The following ULK4 variants were observed in gnomAD, a reference collection of about 807,000 sequenced individuals.
The protein encoded by ULK4 is inactive serine/threonine-protein kinase ULK4.
ULK4 carries 133 observed loss-of-function variants against 160.6 expected under a neutral mutation model. The observed-to-expected ratio is 0.83, with a 90% CI of 0.72 to 0.96. The LOEUF is 0.96. ULK4 is among the 40% of genes least tolerant of loss of function. The probability of loss-of-function intolerance (pLI) is 0.00; values close to 1 mark genes in which losing one functional copy is unlikely to be tolerated. For synonymous variants in ULK4, 534 were observed against 539.8 expected (o/e 0.99, Z 0.15); for missense variants, 1,580 against 1,499.5 (o/e 1.05, Z -0.89).
At chr3:41,467,394 G>A (rs1423075341) in intron 32 of ULK4, among the ~76,000 whole-genome samples, 1 of 152,108 alleles carries the variant, frequency 6.6e-6, no homozygotes, top group Non-Finnish European at 1.5e-5. Flanking sequence ...TGGGCATGGT[G>A]GCACACACTA....
chr3:41,426,192 T>A (rs2082771737), intron 34 of ULK4, among the ~76,000 whole-genome samples: 1 of 152,122 alleles, frequency 6.6e-6, no homozygotes, highest in Middle Eastern at 3.2e-3. Context: ...AAGGGCATTA[T>A]GTAATGGTAA....
chr3:41,654,045 T>C (rs1207458942), intron 30 of ULK4, among the ~76,000 whole-genome samples: 2 of 152,226 alleles, frequency 1.3e-5, no homozygotes, highest in Admixed American at 1.3e-4. Context: ...CATGTGACCG[T>C]AAACTCACAT....
At chr3:41,596,386 C>T (rs1444622100) in intron 31 of ULK4, among the ~76,000 whole-genome samples, 1 of 152,076 alleles carries the variant, frequency 6.6e-6, no homozygotes, top group East Asian at 1.9e-4. Context: ...AGGAGTTGGA[C>T]TTAATAAAAG....
At chr3:41,752,052 T>G (rs2038648988) in intron 22 of ULK4, among the ~76,000 whole-genome samples, 1 of 151,652 alleles carries the variant, frequency 6.6e-6, no homozygotes. Context: ...ACTGGAGGAG[T>G]CCAAGCAGGG....
rs1429476343 is a variant in ULK4 at position 41,488,770 on chromosome 3, T to C, written c.3227-25517A>G. 3.3e-5 allele frequency among the ~76,000 whole-genome samples: 5 copies of C among 152,320 alleles called. No homozygotes were observed. In the East Asian group the frequency reaches 5.8e-4, roughly 18 times the overall value. ...AAGAAAGTTTCAAGTGTCTTAGCTA[T>C]GAGAAAGCTTGATACTGAGAAAAGT... is the stretch of plus-strand genomic sequence containing the variant. On this transcript the variant is annotated intron_variant, in intron 32 of 36. Transcript: ENST00000301831.
intron 2 of ULK4, among the ~76,000 whole-genome samples, chr3:41,940,801 A>C (rs1247165501): frequency 6.6e-6 from 1 of 152,230 alleles, no homozygotes; most frequent in Non-Finnish European, 1.5e-5. Context: ...ATTGATCTTA[A>C]AAATGTACAT....
chr3:41,605,519 CATA>C lies in ULK4; in HGVS notation c.3120+10147_3120+10149del, dbSNP rs751247364. ...TACCCAGGGATAAAAAGGGTCATCTCATAATGATAAAGAGGTCGATTCATCAAG... is the reference window on the plus strand; with the variant it reads ...TACCCAGGGATAAAAAGGGTCATCTCATGATAAAGAGGTCGATTCATCAAG... On this transcript the variant is annotated intron_variant, in intron 31 of 36. Coordinates refer to ENST00000301831, the MANE Select transcript of ULK4 (RefSeq NM_017886.4). 3.3e-5 allele frequency among the ~76,000 whole-genome samples: 5 copies of C among 152,024 alleles called. No homozygotes were observed. In the South Asian group the frequency reaches 8.3e-4, roughly 25 times the overall value.
rs146442067 is a variant in ULK4 at position 41,796,233 on chromosome 3, G to C, written c.2010+3899C>G. 5.3e-5 allele frequency among the ~76,000 whole-genome samples: 8 copies of C among 152,258 alleles called. No homozygotes were observed. In the East Asian group the frequency reaches 1.5e-3, roughly 29 times the overall value. On this transcript the variant is annotated intron_variant, in intron 20 of 36. Transcript: ENST00000301831. ...ATGAACTGAATGAACAAATCAGTAA[G>C]TATATTGAGAATAATGAGAACCCAG...
chr3:41,534,516 C>CA (rs11381017), intron 32 of ULK4, among the ~76,000 whole-genome samples: 47,318 of 142,044 alleles, frequency 0.33, 8,089 homozygotes, highest in African/African-American at 0.4. Flanking sequence ...AATGTTTAAG[C>CA]AAAAAAAAAA....
intron 32 of ULK4, among the ~76,000 whole-genome samples, chr3:41,475,737 C>T (rs949259093): frequency 4.6e-5 from 7 of 152,158 alleles, no homozygotes; most frequent in Admixed American, 4.6e-4. Flanking sequence ...GTAAAATTTA[C>T]TAGGTACTGT....
At chr3:41,842,139 C>CAAAAAAAAAA (rs60925540) in intron 17 of ULK4, among the ~76,000 whole-genome samples, 2 of 68,774 alleles carry the variant, frequency 2.9e-5, no homozygotes, top group Non-Finnish European at 3.2e-5. Flanking sequence ...TCAATAAATA[C>CAAAAAAAAAA]AAAAAAAAAA....
At chr3:41,754,870 T>C (rs1184600557) in intron 21 of ULK4, among the ~76,000 whole-genome samples, 1 of 152,164 alleles carries the variant, frequency 6.6e-6, no homozygotes. Flanking sequence ...CACAACTACA[T>C]GTAGATATAA....
intron 35 of ULK4, among the ~76,000 whole-genome samples, chr3:41,296,266 ACTC>A (rs1327945478): frequency 1.3e-5 from 2 of 151,994 alleles, no homozygotes; most frequent in African/African-American, 4.8e-5. Flanking sequence ...TGAACATAAA[ACTC>A]CTCTAAAAAA....
chr3:41,361,046 A>C (rs1008748868), intron 35 of ULK4, among the ~76,000 whole-genome samples: 2 of 152,128 alleles, frequency 1.3e-5, no homozygotes, highest in African/African-American at 4.8e-5. Flanking sequence ...AGGAGAGAGA[A>C]AGGGGAGATC....
intron 34 of ULK4, among the ~76,000 whole-genome samples, chr3:41,438,672 A>G (rs1204512602): frequency 2.6e-5 from 4 of 151,950 alleles, no homozygotes; most frequent in African/African-American, 9.7e-5. Context: ...ACAAAAAAAA[A>G]CAAACTTGGC....
intron 1 of ULK4, 47 bp from the exon 2 acceptor site, chr3:41,954,854 TAATTAA>T: frequency 8.0e-7 from 1 of 1,254,796 alleles, no homozygotes; most frequent in Non-Finnish European, 1.1e-6. Context: ...GTTAGTTGCA[TAATTAA>T]TTAGCCTAGG....
chr3:41,930,818 A>G (rs1423517374), intron 5 of ULK4, among the ~76,000 whole-genome samples: 1 of 152,230 alleles, frequency 6.6e-6, no homozygotes, highest in East Asian at 1.9e-4. Context: ...CAGAATGGCA[A>G]TTATTAAAAA....
At chr3:41,454,636 A>G (rs2083500995) in intron 34 of ULK4, among the ~76,000 whole-genome samples, 1 of 152,062 alleles carries the variant, frequency 6.6e-6, no homozygotes, top group African/African-American at 2.4e-5. Context: ...CAATAATTTG[A>G]TTTTAAAAGA....
At chr3:41,487,737 G>C (rs1201752054) in intron 32 of ULK4, among the ~76,000 whole-genome samples, 1 of 152,054 alleles carries the variant, frequency 6.6e-6, no homozygotes, top group Non-Finnish European at 1.5e-5. Context: ...AAGTGTGAAA[G>C]GTTACCAGAA....
Sources: allele counts gnomAD v4.1 joint callset (sites outside exome capture counted in the v4.1 genomes callset), GRCh38; gene constraint gnomAD v4.1.1; transcripts MANE v1.5; gene names NCBI Gene and HGNC (gene_info 2026-07-23, HGNC 2026-07-21).